The following USP36 variants were observed in gnomAD, a reference collection of about 807,000 sequenced individuals.
USP36 encodes the protein ubiquitin carboxyl-terminal hydrolase 36.
A neutral mutation model predicts 111.5 loss-of-function variants in USP36; 59 were observed. The observed-to-expected ratio is 0.53, with a 90% CI of 0.43 to 0.66. The LOEUF is 0.66. USP36 is among the 30% of genes least tolerant of loss of function. USP36 has a pLI of 0.00. For missense variants in USP36, 1,488 were observed against 1,468.0 expected, an observed-to-expected ratio of 1.01 and a Z score of -0.22; for synonymous variants, 628 against 581.0, an observed-to-expected ratio of 1.08 and a Z score of -1.16.
chr17:78,821,420 A>ATATATATATTTTTT (rs1192213715), intron 7 of USP36: 1 of 34,568 alleles, frequency 2.9e-5, no homozygotes, highest in African/African-American at 1.6e-4. Flanking sequence ...ATATATATAT[A>ATATATATATTTTTT]TTTTTTTTTT....
intron 4 of USP36, among the ~76,000 whole-genome samples, chr17:78,832,819 C>T (rs1298427953): frequency 6.6e-6 from 1 of 152,112 alleles, no homozygotes; most frequent in African/African-American, 2.4e-5. Context: ...TTACCAAGGT[C>T]ACCACTGGAA....
chr17:78,837,297 C>T (rs970435082), intron 2 of USP36, among the ~76,000 whole-genome samples: 1 of 151,962 alleles, frequency 6.6e-6, no homozygotes, highest in Admixed American at 6.6e-5. Flanking sequence ...GACACCTAAA[C>T]TTAAACAAAT....
At chr17:78,809,702 G>A (rs556132349) in intron 13 of USP36, among the ~76,000 whole-genome samples, 1 of 152,164 alleles carries the variant, frequency 6.6e-6, no homozygotes, top group South Asian at 2.1e-4. Context: ...CACAATGATA[G>A]CTCAATGCAG....
At chr17:78,812,174 G>T (rs2094075902) in intron 13 of USP36, among the ~76,000 whole-genome samples, 1 of 151,990 alleles carries the variant, frequency 6.6e-6, no homozygotes, top group South Asian at 2.1e-4. Context: ...GTAACAGAGT[G>T]AGACCCTGTC....
rs749941825 is a variant in USP36, at chr17:78,799,650, T to G, written c.3124+17A>C. 1 of 1,610,464 alleles carries G rather than the reference T, an allele frequency of 6.2e-7. No homozygotes were observed. The highest frequency in any genetic ancestry group is 1.1e-5 in the South Asian group (1 of 90,536). ...ACCAATGAAAGGCAAACAGAAGTCC[T>G]GTCTCCAAATCAGTACCTTTTCTCC... On this transcript the variant is annotated intron_variant, in intron 18 of 20. Transcript: ENST00000449938.
Position 78,796,832 on chromosome 17 carries a change from C to A in USP36, c.*1068G>T, listed in dbSNP as rs2093636595. The A allele has an allele frequency of 6.6e-6, 1 of 152,292 alleles. No individual in the cohort carries two copies. The highest frequency in any genetic ancestry group is 2.1e-4 in the South Asian group (1 of 4,834). The allele number at this position is 152,292 out of a possible 1,614,324, so 9.4% of individuals were successfully genotyped here. A position where few individuals can be genotyped will look rare whatever the true frequency, so the allele number is the denominator to read the frequency against. On this transcript the variant is annotated 3_prime_UTR_variant, in exon 21 of 21. Transcript: ENST00000449938. The stretch of plus-strand genomic sequence containing the variant: ...GAGGAAGGATGTTCACGGTCACCTT[C>A]ACACTTCCCACTACTATGAGGGCAT...
Position 78,807,587 on chromosome 17 carries a change from C to G in USP36, c.1457G>C (p.Gly486Ala), listed in dbSNP as rs748419616. Residue 486 changes from glycine (G) to alanine (A), a missense_variant, in exon 14 of 21, where the codon GGT becomes GCT. Around this residue, in one of 3 missense-constraint regions of USP36, gnomAD observed 1,073 missense variants for 994.1 expected, o/e 1.08. Coordinates refer to ENST00000449938, the MANE Select transcript of USP36 (RefSeq NM_001385174.1). ...MKKPHTTEEI[G>A]VPISRNGSTL... ...GGAGCCATTCCTGGATATGGGCACA[C>G]CAATCTCTTCAGTGGTGTGCGGCTT... The G allele has an allele frequency of 6.3e-7, 1 of 1,589,876 alleles. No individual in the cohort carries two copies. Among genetic ancestry groups the G allele is most frequent in the South Asian group, 1.1e-5 (1 of 87,130 alleles).
intron 9 of USP36, among the ~76,000 whole-genome samples, chr17:78,819,508 T>G (rs963034052): frequency 1.2e-4 from 19 of 152,248 alleles, no homozygotes; most frequent in Admixed American, 1.1e-3. Context: ...AAAACACTCC[T>G]TAAGAGGCAA....
At chr17:78,789,945 A>G (rs1263526776) in intron 3 of USP36, among the ~76,000 whole-genome samples, 1 of 152,248 alleles carries the variant, frequency 6.6e-6, no homozygotes, top group Non-Finnish European at 1.5e-5. Context: ...TTTTCTGAGC[A>G]GGGTCCGAAT....
At position 78,827,094 on chromosome 17, in the gene USP36, T is replaced by G. The variant is rs9895281; in HGVS notation, c.689+151A>C. ...CAATCCCCTATTTGGGCTCCAACAGTTTGAGTACCCAGAGGCAAATTCTGC... is the reference window on the plus strand; with the variant it reads ...CAATCCCCTATTTGGGCTCCAACAGGTTGAGTACCCAGAGGCAAATTCTGC... On this transcript the variant is annotated intron_variant, in intron 6 of 20. Transcript: ENST00000449938. 0.016 allele frequency: 13,809 copies of G among 837,950 alleles called. 1,157 individuals carry two copies. In the African/African-American group the frequency reaches 0.2, roughly 12 times the overall value. 51.9% of individuals were successfully genotyped at this position (837,950 alleles called of 1,614,324 possible).
Position 78,803,461 on chromosome 17 carries a change from T to C in USP36, c.2734A>G (p.Ser912Gly), listed in dbSNP as rs2093807337. Residue 912 changes from serine to glycine, a missense_variant, in exon 16 of 21, where the codon AGC (serine) becomes GGC (glycine). Coordinates refer to ENST00000449938, the MANE Select transcript of USP36 (RefSeq NM_001385174.1). This position sits in a 1 kb window ranked among gnomAD's most constrained non-coding sequence, Gnocchi z 4.6. ...GCVTDGHHAS[S>G]RKRRRKGAEG... ...GCTCCTTTCCTCCTCCGCTTCCTGC[T>C]GCTCGCGTGGTGGCCGTCCGTAACA... The C allele has an allele frequency of 1.2e-6, 2 of 1,614,050 alleles. No individual in the cohort carries two copies. The highest frequency in any genetic ancestry group is 2.7e-5 in the African/African-American group (2 of 74,932).
chr17:78,811,133 A>AAC (rs1226682637), intron 13 of USP36, among the ~76,000 whole-genome samples: 1 of 129,326 alleles, frequency 7.7e-6, no homozygotes, highest in African/African-American at 2.9e-5. Flanking sequence ...TCTGTCTCAA[A>AAC]AAAAAAAAAA....
chr17:78,834,997 G>GTATATATATA lies in USP36; in HGVS notation c.475+273_475+282dup, dbSNP rs10527657. The stretch of plus-strand genomic sequence containing the variant: ...TACTGTCTCTAAAAAAATAATATTT[G>GTATATATATA]TATATATATATATATATATATTTTG... On this transcript the variant is annotated intron_variant, in intron 4 of 20. Transcript: ENST00000449938. Among the ~76,000 whole-genome samples the GTATATATATA allele has an allele frequency of 2.9e-4, 41 of 141,438 alleles. 1 individual carries two copies. Among genetic ancestry groups the GTATATATATA allele is most frequent in the East Asian group, 1.4e-3 (7 of 4,966 alleles). The allele number at this position is 141,438 out of a possible 152,430, so 92.8% of individuals were successfully genotyped here. A position where few individuals can be genotyped will look rare whatever the true frequency, so the allele number is the denominator to read the frequency against.
chr17:78,797,635 A>G lies in USP36; in HGVS notation c.*265T>C, dbSNP rs964556098. The stretch of plus-strand genomic sequence containing the variant: ...AAGGCACAGCCTGGCAAAGATGTCC[A>G]GCAGGTGTGCGGCCACCTCTGCTCA... On this transcript the variant is annotated 3_prime_UTR_variant, in exon 21 of 21. Coordinates refer to ENST00000449938, the MANE Select transcript of USP36 (RefSeq NM_001385174.1). 1.3e-5 allele frequency: 2 copies of G among 152,370 alleles called. No homozygotes were observed. The highest frequency in any genetic ancestry group is 6.5e-5 in the Admixed American group (1 of 15,294). 9.4% of individuals were successfully genotyped at this position (152,370 alleles called of 1,614,324 possible).
chr17:78,813,728 G>C (rs1430689167), intron 12 of USP36, 45 bp downstream of exon 12: 2 of 1,564,622 alleles, frequency 1.3e-6, no homozygotes, highest in Non-Finnish European at 1.8e-6. Context: ...TATAAGAAAA[G>C]AGCAGAGGGA....
At chr17:78,831,182 C>T (rs530092595) in intron 4 of USP36, among the ~76,000 whole-genome samples, 1,169 of 113,738 alleles carry the variant, frequency 0.01, 22 homozygotes, top group African/African-American at 0.038. Context: ...GCCAAGATCA[C>T]ACCACTGCAC....
intron 10 of USP36, among the ~76,000 whole-genome samples, chr17:78,817,574 G>GCAAA (rs1274502914): frequency 6.6e-6 from 1 of 151,952 alleles, no homozygotes; most frequent in Non-Finnish European, 1.5e-5. Flanking sequence ...GGCCACCATG[G>GCAAA]CAAAACCCCA....
chr17:78,835,133 A>T, intron 4 of USP36, 147 bp downstream of exon 4: 3 of 825,742 alleles, frequency 3.6e-6, no homozygotes, highest in Non-Finnish European at 5.7e-6. Context: ...AGCAGGCATG[A>T]TTCAAATTTA....
At chr17:78,835,552 A>G (rs765615467) in intron 3 of USP36, 51 bp from the exon 4 acceptor site, 5 of 1,535,458 alleles carry the variant, frequency 3.3e-6, no homozygotes, top group East Asian at 2.4e-5. Context: ...AAGTCCACAC[A>G]CAGGTCGTCC....
Sources: allele counts gnomAD v4.1 joint callset (sites outside exome capture counted in the v4.1 genomes callset), GRCh38; gene constraint gnomAD v4.1.1; regional missense constraint gnomAD v4.1.1; non-coding constraint Gnocchi (gnomAD v3.1); transcripts MANE v1.5; gene names NCBI Gene and HGNC (gene_info 2026-07-23, HGNC 2026-07-21).